RTP5: variants seen among roughly 807,000 people sequenced by gnomAD.
RTP5 encodes the protein receptor transporter protein 5 (putative), also known as receptor-transporting protein 5.
RTP5 carries 30 observed loss-of-function variants against 23.5 expected under a neutral mutation model. That is an observed-to-expected ratio of 1.27 (90% CI 0.95 to 1.73). The LOEUF (loss-of-function observed/expected upper bound fraction) is 1.73. Among genes scored for constraint, RTP5 ranks in the 40% most tolerant of loss-of-function variants. The pLI, the probability that RTP5 is intolerant of heterozygous loss-of-function variation, is 0.00. For missense variants in RTP5, 807 were observed against 784.2 expected (o/e 1.03, Z -0.35); for synonymous variants, 354 against 342.1 (o/e 1.03, Z -0.38).
At position 241,872,191 on chromosome 2, in the gene RTP5, C is replaced by A. The variant is rs759515452; in HGVS notation, c.636C>A (p.Ser212Arg). Residue 212 changes from serine (S) to arginine (R), a missense_variant, in exon 2 of 2, where the codon AGC becomes AGA. Physicochemically the swap from Ser to Arg is moderately radical, Grantham distance 110. Coordinates refer to ENST00000343216, the MANE Select transcript of RTP5 (RefSeq NM_173821.3). ...TCCCCTTCTCCCTTGTGGGTACCAG[C>A]AATGACCAGGTGCCCATCGCTGAGG... Reference protein sequence around the residue: ...IAIPFSLVGTSNDQVPIAEGP... With the variant: ...IAIPFSLVGTRNDQVPIAEGP... 1 of 1,612,320 alleles carries A rather than the reference C, an allele frequency of 6.2e-7. No individual in the cohort carries two copies. Among genetic ancestry groups the A allele is most frequent in the East Asian group, 2.2e-5 (1 of 44,834 alleles).
In RTP5 at chr2:241,873,172, GC is replaced by G. The variant is rs747826126; in HGVS notation, c.1620del (p.Tyr541ThrfsTer10). 2.3e-5 allele frequency: 37 copies of G among 1,611,386 alleles called. No individual in the cohort carries two copies. The highest frequency in any genetic ancestry group is 2.2e-5 in the Non-Finnish European group (26 of 1,179,894). ...GRACRRPHAE[P>X]YEDFWIWVSM... ...GTGCCTGCCGTAGGCCGCACGCCGA[GC>G]CCTACGAGGACTTCTGGATCTGGGT... On this transcript the variant is annotated frameshift_variant, in exon 2 of 2. Transcript: ENST00000343216. LOFTEE classifies it high-confidence loss of function.
In RTP5 at chr2:241,869,777, C is replaced by T. The variant is rs1473153896; in HGVS notation, c.21C>T (p.Asp7=). The T allele has an allele frequency of 6.5e-7, 1 of 1,537,500 alleles. No homozygotes were observed. Among genetic ancestry groups the T allele is most frequent in the African/African-American group, 1.4e-5 (1 of 72,714 alleles). The change falls in exon 1 of 2, where the codon GAC becomes GAT. Residue 7 remains aspartate, a synonymous_variant. Transcript: ENST00000343216. ...GCAGCATGGACCGGGCTGGGGCAGACATGTGGGCCAGCACCTTCACCCTGG... is the reference window on the plus strand; with the variant it reads ...GCAGCATGGACCGGGCTGGGGCAGATATGTGGGCCAGCACCTTCACCCTGG... MDRAGA[D]MWASTFTLAM...
Position 241,872,304 on chromosome 2 carries a change from G to T in RTP5, c.749G>T (p.Gly250Val). 1.2e-6 allele frequency: 2 copies of T among 1,603,336 alleles called. No individual in the cohort carries two copies. Among genetic ancestry groups the T allele is most frequent in the Non-Finnish European group, 1.7e-6 (2 of 1,174,514 alleles). The change falls in exon 2 of 2, where the codon GGG (glycine) becomes GTG (valine). Residue 250 changes from glycine (G) to valine (V), a missense_variant. Physicochemically the swap from Gly to Val is moderately radical, Grantham distance 109 (BLOSUM62 -3). Transcript: ENST00000343216. ...VIGQGSIFLS[G>V]DSVAMPGGKG... Reference sequence around the variant, plus strand: ...GGCCAGGGCTCCATCTTCCTGTCTGGGGATTCAGTGGCCATGCCTGGGGGC... The same window carrying T: ...GGCCAGGGCTCCATCTTCCTGTCTGTGGATTCAGTGGCCATGCCTGGGGGC...
At position 241,873,170 on chromosome 2, in the gene RTP5, G is replaced by A. The variant is rs368037857; in HGVS notation, c.1615G>A (p.Glu539Lys). The change falls in exon 2 of 2, where the codon GAG (glutamate) becomes AAG (lysine). Residue 539 changes from glutamate to lysine, a missense_variant. Physicochemically the swap from Glu to Lys is moderately conservative, Grantham distance 56. Coordinates refer to ENST00000343216, the MANE Select transcript of RTP5 (RefSeq NM_173821.3). ...CCGTGCCTGCCGTAGGCCGCACGCCGAGCCCTACGAGGACTTCTGGATCTG... is the reference window on the plus strand; with the variant it reads ...CCGTGCCTGCCGTAGGCCGCACGCCAAGCCCTACGAGGACTTCTGGATCTG... Reference protein sequence around the residue: ...PGRACRRPHAEPYEDFWIWVS... With the variant: ...PGRACRRPHAKPYEDFWIWVS... 5 of 1,611,568 alleles carry A rather than the reference G, an allele frequency of 3.1e-6. No homozygotes were observed. The highest frequency in any genetic ancestry group is 1.7e-5 in the Admixed American group (1 of 60,024).
Sources: gnomAD v4.1 joint callset for allele counts on GRCh38, gnomAD v4.1.1 for gene constraint, MANE v1.5 for transcripts, NCBI Gene and HGNC (gene_info 2026-07-23, HGNC 2026-07-21) for gene names.